DLGAP2: variants seen among roughly 807,000 people sequenced by gnomAD.
DLGAP2 encodes the protein DLG associated protein 2.
A neutral mutation model predicts 100.3 loss-of-function variants in DLGAP2; 26 were observed. The ratio of observed to expected loss-of-function variants is 0.26; its 90% CI spans 0.19 to 0.36. DLGAP2 has a LOEUF of 0.36. Ranked by LOEUF, DLGAP2 falls within the 10% of genes least tolerant of loss-of-function variation. The probability of loss-of-function intolerance (pLI) is 1.00; values close to 1 mark genes in which losing one functional copy is unlikely to be tolerated. For synonymous variants in DLGAP2, 886 were observed against 630.1 expected, an observed-to-expected ratio of 1.41 and a Z score of -6.08; for missense variants, 1,858 against 1,453.2, an observed-to-expected ratio of 1.28 and a Z score of -4.53.
intron 2 of DLGAP2, among the ~76,000 whole-genome samples, chr8:927,509 A>C (rs1798842654): frequency 6.6e-6 from 1 of 152,174 alleles, no homozygotes; most frequent in African/African-American, 2.4e-5. Flanking sequence ...TAAAGTTCAA[A>C]GTCCTCCGCG....
At chr8:1,686,335 G>A (rs541711951) in intron 12 of DLGAP2, among the ~76,000 whole-genome samples, 1 of 152,338 alleles carries the variant, frequency 6.6e-6, no homozygotes, top group South Asian at 2.1e-4. Context: ...AGTGAGATAA[G>A]CCAGGCACAG....
At chr8:877,569 T>C (rs913484034) in intron 1 of DLGAP2, among the ~76,000 whole-genome samples, 1 of 152,228 alleles carries the variant, frequency 6.6e-6, no homozygotes, top group African/African-American at 2.4e-5. Flanking sequence ...TCTAATCAAA[T>C]TGTGGCTTCT....
rs141778314 is a variant in DLGAP2, at chr8:851,853, C to A, written c.19-56059C>A. Among the ~76,000 whole-genome samples the A allele has an allele frequency of 6.6e-4, 98 of 149,272 alleles. 1 individual carries two copies. Among genetic ancestry groups the A allele is most frequent in the African/African-American group, 1.6e-3 (68 of 41,480 alleles). On this transcript the variant is annotated intron_variant, in intron 1 of 14. Transcript: ENST00000637795. ...TTCCGTGACTGCTGGGTGGCGGGAG[C>A]TGCAGGGGGCCCCCGCTGCGTTTCC...
intron 6 of DLGAP2, among the ~76,000 whole-genome samples, chr8:1,589,722 A>G (rs1796234253): frequency 6.6e-6 from 1 of 152,224 alleles, no homozygotes; most frequent in Admixed American, 6.5e-5. Context: ...AAGAAGATGT[A>G]CAGTAAGGGA....
chr8:1,200,872 GT>G lies in DLGAP2; in HGVS notation c.74-57978del, dbSNP rs746561195. 1.6e-3 allele frequency among the ~76,000 whole-genome samples: 249 copies of G among 152,330 alleles called. 2 individuals are homozygous for G. Among genetic ancestry groups the G allele is most frequent in the Non-Finnish European group, 1.9e-3 (126 of 68,028 alleles). On this transcript the variant is annotated intron_variant, in intron 2 of 14. Coordinates refer to ENST00000637795, the MANE Select transcript of DLGAP2 (RefSeq NM_001346810.2). ...ATATCGGTTTGGCATCGAACGATGC[GT>G]CCGCTGCTGGCTCCCGTGCTCGGTT...
intron 6 of DLGAP2, among the ~76,000 whole-genome samples, chr8:1,618,042 A>T (rs1797214183): frequency 6.6e-6 from 1 of 152,228 alleles, no homozygotes; most frequent in Admixed American, 6.5e-5. Context: ...AAGATGAGAT[A>T]AAACACGAGG....
intron 8 of DLGAP2, among the ~76,000 whole-genome samples, chr8:1,659,488 T>C (rs11777944): frequency 0.27 from 41,312 of 152,060 alleles, 5,777 homozygotes; most frequent in East Asian, 0.49. Context: ...AGTCTCTTTA[T>C]AGGTCTCTAA....
intron 1 of DLGAP2, among the ~76,000 whole-genome samples, chr8:904,713 A>C (rs949060153): frequency 6.6e-6 from 1 of 152,136 alleles, no homozygotes; most frequent in African/African-American, 2.4e-5. Flanking sequence ...GTGTGGACAG[A>C]CACCTCGGGG....
intron 2 of DLGAP2, among the ~76,000 whole-genome samples, chr8:1,233,546 G>C (rs1023763766): frequency 1.3e-5 from 2 of 152,190 alleles, no homozygotes; most frequent in African/African-American, 4.8e-5. Flanking sequence ...AGGCCTGGAA[G>C]GATTTCAGAG....
chr8:882,682 C>T (rs1281375861), intron 1 of DLGAP2, among the ~76,000 whole-genome samples: 2 of 116,470 alleles, frequency 1.7e-5, no homozygotes, highest in African/African-American at 3.5e-5. Context: ...CCTGCGCGCA[C>T]CCTCGCCTGA....
chr8:1,282,827 C>G (rs1799843221), intron 3 of DLGAP2, among the ~76,000 whole-genome samples: 1 of 87,870 alleles, frequency 1.1e-5, no homozygotes, highest in Non-Finnish European at 2.2e-5. Flanking sequence ...ATGGTGTGAC[C>G]TGAACCCAGC....
chr8:806,441 A>G (rs556659038), intron 1 of DLGAP2, among the ~76,000 whole-genome samples: 4 of 152,184 alleles, frequency 2.6e-5, no homozygotes, highest in Admixed American at 2.0e-4. Context: ...AGGGGATCCA[A>G]TGCGCACCTG....
intron 3 of DLGAP2, among the ~76,000 whole-genome samples, chr8:1,481,016 C>A (rs184166707): frequency 0.015 from 2,316 of 151,310 alleles, 60 homozygotes; most frequent in African/African-American, 0.052. Flanking sequence ...ACTAAAAATA[C>A]AAAAAATTAG....
At chr8:1,176,595 G>T (rs1250100338) in intron 2 of DLGAP2, among the ~76,000 whole-genome samples, 1 of 82,968 alleles carries the variant, frequency 1.2e-5, no homozygotes, top group African/African-American at 4.6e-5. Flanking sequence ...TCAATCCAGT[G>T]CACGACAGGG....
intron 8 of DLGAP2, among the ~76,000 whole-genome samples, chr8:1,649,757 T>C (rs1798122086): frequency 6.6e-6 from 1 of 152,242 alleles, no homozygotes; most frequent in Non-Finnish European, 1.5e-5. Flanking sequence ...TAGAGGATCG[T>C]GCTGTGCTTT....
intron 3 of DLGAP2, among the ~76,000 whole-genome samples, chr8:1,451,425 C>T (rs557338086): frequency 6.6e-6 from 1 of 152,150 alleles, no homozygotes; most frequent in Non-Finnish European, 1.5e-5. Context: ...GAAGCTTTAT[C>T]ACATCCATCA....
Position 981,715 on chromosome 8 carries a change from A to G in DLGAP2, c.73+73749A>G, listed in dbSNP as rs564852099. On this transcript the variant is annotated intron_variant, in intron 2 of 14. Coordinates refer to ENST00000637795, the MANE Select transcript of DLGAP2 (RefSeq NM_001346810.2). ...TCATGTATTTATTATCCATTTGTTC[A>G]TCTTTGGAGAAATACTGATCCAAAT... 1.4e-4 allele frequency among the ~76,000 whole-genome samples: 21 copies of G among 152,208 alleles called. 1 individual carries two copies. The highest frequency in any genetic ancestry group is 3.4e-3 in the Middle Eastern group (1 of 294).
chr8:1,647,363 C>A (rs555103021), intron 8 of DLGAP2, among the ~76,000 whole-genome samples: 1 of 151,628 alleles, frequency 6.6e-6, no homozygotes, highest in African/African-American at 2.4e-5. Context: ...GTGGTGGGTG[C>A]CTGTAGTCCC....
chr8:1,567,782 G>A (rs1003022178), intron 6 of DLGAP2, among the ~76,000 whole-genome samples: 4 of 152,136 alleles, frequency 2.6e-5, no homozygotes, highest in Non-Finnish European at 4.4e-5. Flanking sequence ...AAAAACCAGC[G>A]GAAGGATGTG....
Sources: gnomAD v4.1 joint callset for allele counts (sites outside exome capture counted in the v4.1 genomes callset) on GRCh38, gnomAD v4.1.1 for gene constraint, MANE v1.5 for transcripts, NCBI Gene and HGNC (gene_info 2026-07-23, HGNC 2026-07-21) for gene names.